Variants in PDE1A observed in about 807,000 individuals in gnomAD.
PDE1A encodes phosphodiesterase 1A.
PDE1A carries 35 observed loss-of-function variants against 61.7 expected under a neutral mutation model. The ratio of observed to expected loss-of-function variants is 0.57; its 90% confidence interval spans 0.43 to 0.75. The LOEUF is 0.75. Among genes scored for constraint, PDE1A ranks in the 30% least tolerant of loss-of-function variants. The pLI, the probability that PDE1A is intolerant of heterozygous loss-of-function variation, is 0.00. For synonymous variants in PDE1A, 232 were observed against 213.2 expected, an observed-to-expected ratio of 1.09 and a Z score of -0.77; for missense variants, 597 against 630.6, an observed-to-expected ratio of 0.95 and a Z score of 0.57.
At chr2:182,241,464 C>T (rs1051188717) in intron 2 of PDE1A, among the ~76,000 whole-genome samples, 6 of 152,160 alleles carry the variant, frequency 3.9e-5, no homozygotes, top group Admixed American at 6.5e-5. Flanking sequence ...AGAAACAAGG[C>T]AGGGGCCATC....
the PDE1A span, among the ~76,000 whole-genome samples, chr2:182,687,701 A>C: frequency 2.0e-5 from 3 of 152,202 alleles, no homozygotes; most frequent in African/African-American, 2.4e-5. Flanking sequence ...TGATGAGTTG[A>C]GAGAAGAAGG....
At chr2:182,522,742 C>T (rs1690645443), upstream of PDE1A, 1 of 877,884 alleles carries the variant, frequency 1.1e-6, no homozygotes, top group Non-Finnish European at 1.4e-6. Flanking sequence ...AGAATTCCTA[C>T]AGTTTACGAG....
At chr2:182,345,413 C>T (rs1316045681) in intron 1 of PDE1A, among the ~76,000 whole-genome samples, 1 of 152,204 alleles carries the variant, frequency 6.6e-6, no homozygotes, top group Non-Finnish European at 1.5e-5. Flanking sequence ...ATATTATTTC[C>T]TGCTTCGTCT....
chr2:182,164,267 C>T (rs1691534151), downstream of PDE1A, among the ~76,000 whole-genome samples: 2 of 152,080 alleles, frequency 1.3e-5, no homozygotes, highest in Non-Finnish European at 2.9e-5. Context: ...ACACTGCCTC[C>T]TCTCTCCCAG....
At chr2:182,393,935 GT>G (rs1441991091) in intron 1 of PDE1A, among the ~76,000 whole-genome samples, 4 of 152,182 alleles carry the variant, frequency 2.6e-5, no homozygotes, top group Non-Finnish European at 5.9e-5. Context: ...TCTCTAGGAA[GT>G]TCCACACTTT....
upstream of PDE1A, among the ~76,000 whole-genome samples, chr2:182,429,303 T>C (rs933663614): frequency 3.9e-5 from 6 of 152,202 alleles, no homozygotes; most frequent in South Asian, 2.1e-4. Context: ...TAATGTAGTA[T>C]TCAATAAGAC....
At chr2:182,172,836 G>C (rs1480089506) in intron 13 of PDE1A, among the ~76,000 whole-genome samples, 1 of 152,012 alleles carries the variant, frequency 6.6e-6, no homozygotes, top group Non-Finnish European at 1.5e-5. Context: ...CAAAGGTAGA[G>C]AGATAGGAAA....
At chr2:182,321,148 G>A (rs1022792659) in intron 1 of PDE1A, among the ~76,000 whole-genome samples, 1 of 152,164 alleles carries the variant, frequency 6.6e-6, no homozygotes, top group Non-Finnish European at 1.5e-5. Flanking sequence ...CATGTTGCAT[G>A]AGATGTAAAA....
chr2:182,463,204 A>C (rs992675942), intron 2 of PDE1A, among the ~76,000 whole-genome samples: 1 of 152,080 alleles, frequency 6.6e-6, no homozygotes, highest in Non-Finnish European at 1.5e-5. Flanking sequence ...GCGCCACTGC[A>C]CTCCAGCCTG....
At chr2:182,496,764 A>T (rs186717816) in intron 2 of PDE1A, among the ~76,000 whole-genome samples, 1 of 152,384 alleles carries the variant, frequency 6.6e-6, no homozygotes, top group Non-Finnish European at 1.5e-5. Flanking sequence ...TGATAGCAGC[A>T]GTAGTGATGG....
At chr2:182,476,087 G>T (rs976344723) in intron 2 of PDE1A, among the ~76,000 whole-genome samples, 2 of 151,766 alleles carry the variant, frequency 1.3e-5, no homozygotes, top group African/African-American at 4.8e-5. Flanking sequence ...TTTTAAAAGG[G>T]TTATTTTTAT....
At chr2:182,147,038 C>G in exon 14 of PDE1A, 1 of 1,278,570 alleles carries the variant, frequency 7.8e-7, no homozygotes, top group African/African-American at 1.5e-5. Context: ...AAAATTACCT[C>G]TCATGTTTAA....
intron 2 of PDE1A, among the ~76,000 whole-genome samples, chr2:182,515,846 G>A (rs957657735): frequency 6.6e-6 from 1 of 152,126 alleles, no homozygotes; most frequent in Non-Finnish European, 1.5e-5. Flanking sequence ...GTCAGGGTTA[G>A]ATGGAGGTAC....
At chr2:182,469,184 A>G (rs544179353) in intron 2 of PDE1A, among the ~76,000 whole-genome samples, 88 of 151,938 alleles carry the variant, frequency 5.8e-4, no homozygotes, top group Non-Finnish European at 9.9e-4. Context: ...TTCTCTAGCT[A>G]TGAAAGTCCT....
At chr2:182,528,574 T>C in the PDE1A span, among the ~76,000 whole-genome samples, 11 of 152,274 alleles carry the variant, frequency 7.2e-5, no homozygotes, top group East Asian at 1.9e-3. Context: ...GAAATTTGCA[T>C]AAGTAATGAG....
chr2:182,212,126 T>G (rs921781651), intron 7 of PDE1A, among the ~76,000 whole-genome samples: 28 of 152,066 alleles, frequency 1.8e-4, no homozygotes, highest in African/African-American at 6.8e-4. Flanking sequence ...TTAAGTATGA[T>G]GTTAGTTGTA....
the PDE1A span, among the ~76,000 whole-genome samples, chr2:182,549,011 A>G: frequency 6.6e-6 from 1 of 152,264 alleles, no homozygotes; most frequent in Non-Finnish European, 1.5e-5. Context: ...AGGTAAATGT[A>G]TATTAGTATG....
chr2:182,563,604 G>A, the PDE1A span, among the ~76,000 whole-genome samples: 1 of 151,966 alleles, frequency 6.6e-6, no homozygotes, highest in Non-Finnish European at 1.5e-5. Flanking sequence ...CAATTCCTGG[G>A]TATCCTTGTT....
At chr2:182,454,212 G>A (rs1375122643) in intron 2 of PDE1A, among the ~76,000 whole-genome samples, 1 of 152,094 alleles carries the variant, frequency 6.6e-6, no homozygotes, top group Non-Finnish European at 1.5e-5. Context: ...AGCTTACAAG[G>A]GATGTGAAGG....
Sources: allele counts gnomAD v4.1 joint callset (sites outside exome capture counted in the v4.1 genomes callset), GRCh38; gene constraint gnomAD v4.1.1; transcripts MANE v1.5; gene names NCBI Gene and HGNC (gene_info 2026-07-23, HGNC 2026-07-21).